The following OSBPL8 variants were observed in gnomAD, a reference collection of about 807,000 sequenced individuals.
OSBPL8 encodes the protein oxysterol binding protein like 8, also known as oxysterol-binding protein-related protein 8.
In OSBPL8, 59 loss-of-function variants were observed where a neutral mutation model predicts 125.5. The ratio of observed to expected loss-of-function variants is 0.47; its 90% CI spans 0.38 to 0.58. OSBPL8 has a LOEUF of 0.58. OSBPL8 is among the 20% of genes least tolerant of loss of function. The probability of loss-of-function intolerance (pLI) is 0.00; values close to 1 mark genes in which losing one functional copy is unlikely to be tolerated. For missense variants in OSBPL8, 758 were observed against 1,047.8 expected, an observed-to-expected ratio of 0.72 and a Z score of 3.82; for synonymous variants, 330 against 338.9, an observed-to-expected ratio of 0.97 and a Z score of 0.29.
At chr12:76,516,817 CTTTT>C (rs71668730) in intron 1 of OSBPL8, among the ~76,000 whole-genome samples, 3 of 130,832 alleles carry the variant, frequency 2.3e-5, no homozygotes, top group Non-Finnish European at 4.7e-5. Flanking sequence ...CTTTTCTTTT[CTTTT>C]TTTTTTTTTT....
intron 2 of OSBPL8, among the ~76,000 whole-genome samples, chr12:76,471,220 A>C (rs1305862540): frequency 6.6e-6 from 1 of 152,222 alleles, no homozygotes; most frequent in Non-Finnish European, 1.5e-5. Flanking sequence ...AAAGGATTAA[A>C]TGAGAAACTG....
intron 1 of OSBPL8, among the ~76,000 whole-genome samples, chr12:76,506,540 T>G (rs144526743): frequency 6.6e-6 from 1 of 152,200 alleles, no homozygotes; most frequent in Non-Finnish European, 1.5e-5. Flanking sequence ...ATCCTGATTT[T>G]TTGTTTTCAA....
chr12:76,415,290 G>A (rs906015329), intron 4 of OSBPL8, among the ~76,000 whole-genome samples: 1 of 149,948 alleles, frequency 6.7e-6, no homozygotes, highest in African/African-American at 2.5e-5. Context: ...TGTCACCCAG[G>A]CTGCTGGAGT....
chr12:76,386,341 G>C (rs1296069550), intron 13 of OSBPL8, 75 bp from the exon 14 acceptor site: 5 of 1,483,990 alleles, frequency 3.4e-6, no homozygotes, highest in Non-Finnish European at 4.5e-6. Context: ...AGTCAAAATG[G>C]GTTTAACTCT....
chr12:76,512,593 T>C (rs919540066), intron 1 of OSBPL8, among the ~76,000 whole-genome samples: 2 of 152,222 alleles, frequency 1.3e-5, no homozygotes, highest in South Asian at 4.1e-4. Context: ...TGTAACCCTG[T>C]AGCGTAGTTT....
chr12:76,557,934 G>A (rs745828759), intron 1 of OSBPL8, among the ~76,000 whole-genome samples: 4 of 152,018 alleles, frequency 2.6e-5, no homozygotes, highest in Admixed American at 2.0e-4. Flanking sequence ...ATAAACCATG[G>A]CCATTTTTAA....
At chr12:76,496,274 ACTT>A (rs977751788) in intron 1 of OSBPL8, among the ~76,000 whole-genome samples, 2 of 150,172 alleles carry the variant, frequency 1.3e-5, no homozygotes, top group Admixed American at 6.6e-5. Context: ...GTCATTTGTT[ACTT>A]CTTCTTGACC....
At chr12:76,536,840 T>TA (rs1258123430) in intron 1 of OSBPL8, among the ~76,000 whole-genome samples, 1 of 138,052 alleles carries the variant, frequency 7.2e-6, no homozygotes, top group Admixed American at 7.3e-5. Flanking sequence ...AAAAAACGAG[T>TA]AATCTTCCCA....
At chr12:76,437,383 T>C (rs1871595060) in intron 4 of OSBPL8, among the ~76,000 whole-genome samples, 1 of 152,214 alleles carries the variant, frequency 6.6e-6, no homozygotes, top group Non-Finnish European at 1.5e-5. Context: ...ATTAACTACA[T>C]TTGGTGATTC....
At chr12:76,463,440 T>G (rs926114212) in intron 2 of OSBPL8, among the ~76,000 whole-genome samples, 2 of 152,132 alleles carry the variant, frequency 1.3e-5, no homozygotes, top group African/African-American at 4.8e-5. Context: ...TGTCAGACAT[T>G]CATCCAAGTG....
intron 1 of OSBPL8, among the ~76,000 whole-genome samples, chr12:76,497,916 A>C (rs1040151073): frequency 3.3e-5 from 5 of 152,198 alleles, no homozygotes; most frequent in African/African-American, 4.8e-5. Flanking sequence ...ACATGAATTT[A>C]TATAGATTGT....
At chr12:76,525,655 T>C (rs2137293531) in intron 1 of OSBPL8, among the ~76,000 whole-genome samples, 1 of 152,248 alleles carries the variant, frequency 6.6e-6, no homozygotes, top group East Asian at 1.9e-4. Flanking sequence ...TATTTTAACT[T>C]TGAATTATTG....
chr12:76,532,716 C>CA (rs199884924), intron 1 of OSBPL8, among the ~76,000 whole-genome samples: 8,609 of 134,004 alleles, frequency 0.064, 341 homozygotes, highest in Non-Finnish European at 0.1. Context: ...AAGGAGTGGA[C>CA]AAAAAAAAAA....
intron 21 of OSBPL8, among the ~76,000 whole-genome samples, chr12:76,368,161 C>T (rs563493447): frequency 3.4e-4 from 52 of 152,230 alleles, no homozygotes; most frequent in African/African-American, 1.2e-3. Flanking sequence ...CCCCCATTTT[C>T]GAATGACAGT....
intron 21 of OSBPL8, among the ~76,000 whole-genome samples, chr12:76,368,373 G>A (rs752697650): frequency 2.6e-5 from 4 of 152,072 alleles, no homozygotes; most frequent in Non-Finnish European, 5.9e-5. Context: ...TGTGGTGTGG[G>A]TCTCTCTGAG....
At chr12:76,364,235 G>T (rs1952319754) in intron 21 of OSBPL8, among the ~76,000 whole-genome samples, 1 of 152,202 alleles carries the variant, frequency 6.6e-6, no homozygotes, top group Non-Finnish European at 1.5e-5. Flanking sequence ...CAATAGCAAA[G>T]ACTTGGAACC....
At chr12:76,417,643 T>C (rs879629993) in intron 4 of OSBPL8, among the ~76,000 whole-genome samples, 1 of 152,228 alleles carries the variant, frequency 6.6e-6, no homozygotes, top group Admixed American at 6.5e-5. Context: ...TACTAGTATG[T>C]ACACCGAGTT....
rs142363562 is a variant in OSBPL8, at chr12:76,454,370, C to T, written c.80-3382G>A. The stretch of plus-strand genomic sequence containing the variant: ...AGGAATGATCTAGTTCTATAACAAA[C>T]GACATGATTGAATATTAAAAGTAAA... On this transcript the variant is annotated intron_variant, in intron 3 of 23. Coordinates refer to ENST00000261183, the MANE Select transcript of OSBPL8 (RefSeq NM_020841.5). Among the ~76,000 whole-genome samples, 35 of 152,060 alleles carry T rather than the reference C, an allele frequency of 2.3e-4. No individual in the cohort carries two copies. In the East Asian group the frequency reaches 6.2e-3, roughly 27 times the overall value.
At chr12:76,427,910 A>C (rs1336169984) in intron 4 of OSBPL8, among the ~76,000 whole-genome samples, 1 of 152,060 alleles carries the variant, frequency 6.6e-6, no homozygotes, top group Non-Finnish European at 1.5e-5. Flanking sequence ...TAAAAATTAA[A>C]TAGGTCAGGA....
Sources: allele counts gnomAD v4.1 joint callset (sites outside exome capture counted in the v4.1 genomes callset), GRCh38; gene constraint gnomAD v4.1.1; transcripts MANE v1.5; gene names NCBI Gene and HGNC (gene_info 2026-07-23, HGNC 2026-07-21).